The following CEP63 variants were observed in gnomAD, a reference collection of about 807,000 sequenced individuals.
The protein encoded by CEP63 is centrosomal protein 63, also known as centrosomal protein of 63 kDa.
Under a neutral mutation model 89.1 loss-of-function variants are expected in CEP63, and 84 were observed. The ratio of observed to expected loss-of-function variants is 0.94; its 90% CI spans 0.79 to 1.13. The LOEUF is 1.13. Among genes scored for constraint, CEP63 ranks in the 50% most tolerant of loss-of-function variants. The probability of loss-of-function intolerance (pLI) is 0.00; values close to 1 mark genes in which losing one functional copy is unlikely to be tolerated. For missense variants in CEP63, 838 were observed against 813.3 expected, an observed-to-expected ratio of 1.03 and a Z score of -0.37; for synonymous variants, 267 against 272.5, an observed-to-expected ratio of 0.98 and a Z score of 0.20.
chr3:134,681,063 C>G, the CEP63 span, among the ~76,000 whole-genome samples: 20 of 152,158 alleles, frequency 1.3e-4, no homozygotes, highest in African/African-American at 4.6e-4. Context: ...GGACAAGGTT[C>G]AAGGGCTGGG....
the CEP63 span, among the ~76,000 whole-genome samples, chr3:134,662,700 C>A: frequency 1.4e-4 from 22 of 152,322 alleles, no homozygotes; most frequent in African/African-American, 5.3e-4. Flanking sequence ...GAGTTTGAAG[C>A]AAACATGTCT....
chr3:134,529,564 C>T (rs1432187615), intron 3 of CEP63, among the ~76,000 whole-genome samples: 1 of 152,140 alleles, frequency 6.6e-6, no homozygotes, highest in Admixed American at 6.6e-5. Context: ...TGGTCTCAAA[C>T]TCCTGAACTC....
the CEP63 span, among the ~76,000 whole-genome samples, chr3:134,694,946 C>A: frequency 3.9e-5 from 6 of 152,124 alleles, no homozygotes; most frequent in Non-Finnish European, 8.8e-5. Context: ...TAAGGGTTTC[C>A]AGCACATTGT....
At chr3:134,528,598 T>TGTGTGG (rs1361817867) in intron 3 of CEP63, among the ~76,000 whole-genome samples, 1 of 70,084 alleles carries the variant, frequency 1.4e-5, no homozygotes, top group Non-Finnish European at 3.3e-5. Flanking sequence ...GTGTGTGGTG[T>TGTGTGG]TTTGAGGGTT....
the CEP63 span, among the ~76,000 whole-genome samples, chr3:134,766,359 A>T: frequency 6.6e-6 from 1 of 151,970 alleles, no homozygotes; most frequent in Admixed American, 6.5e-5. Context: ...CTGCTTTCTG[A>T]TTTGGGAACC....
chr3:134,751,494 C>A, the CEP63 span, among the ~76,000 whole-genome samples: 1 of 152,176 alleles, frequency 6.6e-6, no homozygotes, highest in South Asian at 2.1e-4. Flanking sequence ...TCCCAGGGCA[C>A]TATGACTGCT....
the CEP63 span, among the ~76,000 whole-genome samples, chr3:134,658,086 C>T: frequency 1.8e-3 from 271 of 152,016 alleles, no homozygotes; most frequent in African/African-American, 6.1e-3. Context: ...TTAGTAGAGA[C>T]GGGGTTTCAC....
At chr3:134,573,633 A>T (rs1392488035) in intron 11 of CEP63, among the ~76,000 whole-genome samples, 1 of 152,106 alleles carries the variant, frequency 6.6e-6, no homozygotes, top group African/African-American at 2.4e-5. Flanking sequence ...CACCTGTACC[A>T]TGCTGTTTTG....
At chr3:134,654,852 G>T in the CEP63 span, among the ~76,000 whole-genome samples, 1 of 151,996 alleles carries the variant, frequency 6.6e-6, no homozygotes, top group Non-Finnish European at 1.5e-5. Context: ...GGGTACCCCA[G>T]TCCTTGGAGC....
At chr3:134,529,339 CT>C (rs66493822) in intron 3 of CEP63, among the ~76,000 whole-genome samples, 8 of 116,918 alleles carry the variant, frequency 6.8e-5, no homozygotes, top group African/African-American at 1.6e-4. Flanking sequence ...TCCCCATTGA[CT>C]TTTTTTTTTT....
the CEP63 span, among the ~76,000 whole-genome samples, chr3:134,605,917 C>G: frequency 2.0e-5 from 3 of 152,234 alleles, no homozygotes; most frequent in African/African-American, 7.2e-5. Flanking sequence ...CCTTCTGTTA[C>G]ACTGAAATTG....
At chr3:134,643,431 G>GT in the CEP63 span, 1 of 1,520,222 alleles carries the variant, frequency 6.6e-7, no homozygotes, top group Non-Finnish European at 9.1e-7. Context: ...ATTTTCCCCA[G>GT]GCAGAGCAAA....
At position 134,539,563 on chromosome 3, in the gene CEP63, A is replaced by G. The variant is rs555522266; in HGVS notation, c.555+2295A>G. On this transcript the variant is annotated intron_variant, in intron 6 of 14. Transcript: ENST00000675561. Reference sequence around the variant, plus strand: ...GTTGTCCAGAAAACTATCTTTTTACAATTGAATGTTTGAGTCAGAATCCAG... The same window carrying G: ...GTTGTCCAGAAAACTATCTTTTTACGATTGAATGTTTGAGTCAGAATCCAG... Among the ~76,000 whole-genome samples, 524 of 152,256 alleles carry G rather than the reference A, an allele frequency of 3.4e-3. 3 individuals carry two copies. Among genetic ancestry groups the G allele is most frequent in the African/African-American group, 0.012 (501 of 41,562 alleles).
intron 10 of CEP63, 88 bp downstream of exon 10, chr3:134,549,264 G>C: frequency 2.4e-6 from 2 of 834,608 alleles, no homozygotes; most frequent in Middle Eastern, 2.4e-4. Context: ...TATTTTTAAT[G>C]AGAAAAAAAT....
downstream of CEP63, among the ~76,000 whole-genome samples, chr3:134,569,552 G>A (rs557488954): frequency 1.6e-4 from 24 of 152,332 alleles, no homozygotes; most frequent in African/African-American, 5.3e-4. Flanking sequence ...GATGCAAAAG[G>A]TGGCTTCCCA....
the CEP63 span, among the ~76,000 whole-genome samples, chr3:134,728,519 A>G: frequency 1.3e-5 from 2 of 152,342 alleles, no homozygotes; most frequent in African/African-American, 4.8e-5. Context: ...TAATTTGTGC[A>G]TTTATTAAAC....
the CEP63 span, among the ~76,000 whole-genome samples, chr3:134,613,417 C>T: frequency 4.8e-3 from 730 of 152,298 alleles, 7 homozygotes; most frequent in African/African-American, 0.017. Flanking sequence ...GAAAGGAGAG[C>T]AGGAGGAAGA....
chr3:134,681,430 G>A, the CEP63 span, among the ~76,000 whole-genome samples: 1 of 152,136 alleles, frequency 6.6e-6, no homozygotes, highest in Non-Finnish European at 1.5e-5. Context: ...CCATAAGGAG[G>A]CATCGTGCAG....
intron 3 of CEP63, among the ~76,000 whole-genome samples, chr3:134,522,078 G>A (rs1442545714): frequency 6.6e-6 from 1 of 152,036 alleles, no homozygotes; most frequent in Non-Finnish European, 1.5e-5. Context: ...ATCTGGTACT[G>A]TCATCTGCAT....
Sources: allele counts gnomAD v4.1 joint callset (sites outside exome capture counted in the v4.1 genomes callset), GRCh38; gene constraint gnomAD v4.1.1; transcripts MANE v1.5; gene names NCBI Gene and HGNC (gene_info 2026-07-23, HGNC 2026-07-21).